Variants in HELQ observed in about 807,000 individuals in gnomAD.
The protein encoded by HELQ is helicase, POLQ like, also known as helicase POLQ-like.
In HELQ, 77 loss-of-function variants were observed where a neutral mutation model predicts 111.6. The ratio of observed to expected loss-of-function variants is 0.69; its 90% CI spans 0.57 to 0.83. The LOEUF (loss-of-function observed/expected upper bound fraction) is 0.83. HELQ is among the 40% of genes least tolerant of loss of function. HELQ has a pLI of 0.00. For missense variants in HELQ, 1,200 were observed against 1,288.5 expected, an observed-to-expected ratio of 0.93 and a Z score of 1.05; for synonymous variants, 438 against 454.7, an observed-to-expected ratio of 0.96 and a Z score of 0.47.
At chr4:83,448,435 T>C (rs920695586) in intron 3 of HELQ, among the ~76,000 whole-genome samples, 1 of 152,036 alleles carries the variant, frequency 6.6e-6, no homozygotes, top group Non-Finnish European at 1.5e-5. Context: ...TTTGGGAGGC[T>C]GAGGCGGGTG....
chr4:83,424,916 T>C (rs1204647880), intron 14 of HELQ, among the ~76,000 whole-genome samples: 1 of 152,164 alleles, frequency 6.6e-6, no homozygotes, highest in Admixed American at 6.6e-5. Context: ...TTTAAGTGTA[T>C]GTAAACATCA....
chr4:83,452,710 G>C (rs908298770), intron 2 of HELQ, among the ~76,000 whole-genome samples: 1 of 152,040 alleles, frequency 6.6e-6, no homozygotes, highest in Non-Finnish European at 1.5e-5. Context: ...TTTCAAGAAG[G>C]GTGTAGTCAA....
chr4:83,432,330 T>C, intron 9 of HELQ, 63 bp from the exon 10 acceptor site: 1 of 1,225,908 alleles, frequency 8.2e-7, no homozygotes. Context: ...AATTCTTAAT[T>C]TCATTATATA....
chr4:83,413,230 G>C (rs1353496647), intron 17 of HELQ, among the ~76,000 whole-genome samples: 2 of 152,198 alleles, frequency 1.3e-5, no homozygotes, highest in African/African-American at 4.8e-5. Context: ...TGAACCCAGA[G>C]AAGAGGTTGA....
chr4:83,454,374 C>G (rs1294081421), intron 1 of HELQ, among the ~76,000 whole-genome samples: 1 of 152,070 alleles, frequency 6.6e-6, no homozygotes, highest in Admixed American at 6.6e-5. Context: ...GCCTAAACAG[C>G]AGGTTCAGGA....
chr4:83,410,896 AC>A (rs1179634955), intron 17 of HELQ, among the ~76,000 whole-genome samples: 1 of 151,752 alleles, frequency 6.6e-6, no homozygotes, highest in Non-Finnish European at 1.5e-5. Flanking sequence ...CACACTTGTA[AC>A]CCCAGCACTT....
At chr4:83,444,009 C>T (rs551702499) in intron 5 of HELQ, among the ~76,000 whole-genome samples, 2 of 152,246 alleles carry the variant, frequency 1.3e-5, no homozygotes, top group East Asian at 3.9e-4. Flanking sequence ...TGTGTCACTG[C>T]ACTGCAGCTT....
In HELQ at chr4:83,418,207, C is replaced by T. The variant is rs189015895; in HGVS notation, c.2950-1G>A. ...TGTAAACCCAAAACTCCTCAAGCTC[C>T]TGTAGAACACAAAGAAATATATAAA... On this transcript the variant is annotated splice_acceptor_variant, in intron 15 of 17. Coordinates refer to ENST00000295488, the MANE Select transcript of HELQ (RefSeq NM_133636.5). LOFTEE classifies it high-confidence loss of function. 69 of 1,506,160 alleles carry T rather than the reference C, an allele frequency of 4.6e-5. No homozygotes were observed. Among genetic ancestry groups the T allele is most frequent in the Non-Finnish European group, 5.9e-5 (65 of 1,102,690 alleles). 93.3% of individuals were successfully genotyped at this position (1,506,160 alleles called of 1,614,324 possible).
Position 83,416,783 on chromosome 4 carries a change from G to A in HELQ, c.3146C>T (p.Thr1049Ile). The change falls in exon 17 of 18, where the codon ACA (threonine) becomes ATA (isoleucine). Residue 1049 changes from threonine (T) to isoleucine (I), a missense_variant. Coordinates refer to ENST00000295488, the MANE Select transcript of HELQ (RefSeq NM_133636.5). ...ANANPEVLVRTIDHLSRRQAK... is the reference protein window; with the variant it reads ...ANANPEVLVRIIDHLSRRQAK... ...TTGGCGTCTTGATAAATGATCAATT[G>A]TCCTTACGAGCACTTCAGGATTTGC... The A allele has an allele frequency of 1.2e-6, 2 of 1,613,906 alleles. No individual in the cohort carries two copies. The highest frequency in any genetic ancestry group is 1.7e-6 in the Non-Finnish European group (2 of 1,179,854).
At position 83,444,412 on chromosome 4, in the gene HELQ, G is replaced by T. The variant is rs919140991; in HGVS notation, c.1466-798C>A. On this transcript the variant is annotated intron_variant, in intron 5 of 17. Transcript: ENST00000295488. ...ATTTATTTTTTTGAGACAGAGTCTT[G>T]CTCTGTTGCCCAGGCTGGAGTGCAG... 2.0e-5 allele frequency among the ~76,000 whole-genome samples: 3 copies of T among 152,040 alleles called. No individual in the cohort carries two copies. The East Asian group carries it at 5.8e-4, about 29-fold the overall frequency.
At chr4:83,455,861 C>T (rs1721771042), upstream of HELQ, 1 of 783,452 alleles carries the variant, frequency 1.3e-6, no homozygotes, top group African/African-American at 1.7e-5. Context: ...AACTTCTACC[C>T]TGTCCAATCA....
In HELQ at chr4:83,440,035, A is replaced by C. The variant is rs747481302; in HGVS notation, c.1663-27T>G. 8 of 1,588,640 alleles carry C rather than the reference A, an allele frequency of 5.0e-6. No individual in the cohort carries two copies. The South Asian group carries it at 9.3e-5, about 19-fold the overall frequency. On this transcript the variant is annotated intron_variant, in intron 7 of 17. Coordinates refer to ENST00000295488, the MANE Select transcript of HELQ (RefSeq NM_133636.5). ...TGCAAAACAACAAGATGTAGGAACA[A>C]AGTGGTTAGTAAACATGAAACCCTG...
chr4:83,455,100 G>C (rs997990468), intron 1 of HELQ, among the ~76,000 whole-genome samples: 7 of 152,060 alleles, frequency 4.6e-5, no homozygotes, highest in Non-Finnish European at 8.8e-5. Flanking sequence ...TTAACATAAC[G>C]GGTCTTCAAT....
In HELQ at chr4:83,423,816, C is replaced by G. The variant is rs539080659; in HGVS notation, c.2776-2080G>C. Among the ~76,000 whole-genome samples the G allele has an allele frequency of 2.0e-5, 3 of 151,864 alleles. No individual in the cohort carries two copies. In the South Asian group the frequency reaches 6.2e-4, roughly 32 times the overall value. On this transcript the variant is annotated intron_variant, in intron 14 of 17. Coordinates refer to ENST00000295488, the MANE Select transcript of HELQ (RefSeq NM_133636.5). ...ATCCCAGCTACTTGGGAGGCTAAGG[C>G]AGGAAAATCACTTGAACTTGGGAGG... is the stretch of plus-strand genomic sequence containing the variant.
chr4:83,423,337 A>G (rs940534976), intron 14 of HELQ, among the ~76,000 whole-genome samples: 2 of 152,130 alleles, frequency 1.3e-5, no homozygotes, highest in Non-Finnish European at 2.9e-5. Context: ...ACCATAGTAA[A>G]AGAATGAAAT....
intron 4 of HELQ, 100 bp from the exon 5 acceptor site, chr4:83,446,186 C>T (rs1462060981): frequency 1.3e-6 from 1 of 797,152 alleles, no homozygotes; most frequent in Non-Finnish European, 2.1e-6. Flanking sequence ...TAAAGAGTTG[C>T]TTATAACTTT....
At chr4:83,425,277 C>T (rs1719785758) in intron 14 of HELQ, among the ~76,000 whole-genome samples, 2 of 108,826 alleles carry the variant, frequency 1.8e-5, no homozygotes, top group Admixed American at 1.8e-4. Flanking sequence ...GAGACTGCAC[C>T]TCAAAAAAAA....
At chr4:83,442,963 C>T (rs1250539560) in intron 6 of HELQ, among the ~76,000 whole-genome samples, 1 of 152,074 alleles carries the variant, frequency 6.6e-6, no homozygotes, top group African/African-American at 2.4e-5. Flanking sequence ...GTAGTGCACA[C>T]AAAAATATAT....
intron 15 of HELQ, among the ~76,000 whole-genome samples, chr4:83,418,651 T>C (rs1333537979): frequency 6.6e-6 from 1 of 152,218 alleles, no homozygotes; most frequent in African/African-American, 2.4e-5. Context: ...CTGTTAAAGC[T>C]AGAAGGGTAA....
Sources: gnomAD v4.1 joint callset for allele counts (sites outside exome capture counted in the v4.1 genomes callset) on GRCh38, gnomAD v4.1.1 for gene constraint, MANE v1.5 for transcripts, NCBI Gene and HGNC (gene_info 2026-07-23, HGNC 2026-07-21) for gene names.